NPR3: variants seen among roughly 807,000 people sequenced by gnomAD.
NPR3 encodes atrial natriuretic peptide receptor 3.
Under a neutral mutation model 54.5 loss-of-function variants are expected in NPR3, and 34 were observed. That is an observed-to-expected ratio of 0.62 (90% confidence interval 0.47 to 0.83). The LOEUF is 0.83. Ranked by LOEUF, NPR3 falls within the 40% of genes least tolerant of loss-of-function variation. The pLI, the probability that NPR3 is intolerant of heterozygous loss-of-function variation, is 0.00. For missense variants in NPR3, 674 were observed against 720.8 expected, an observed-to-expected ratio of 0.94 and a Z score of 0.74; for synonymous variants, 289 against 297.1, an observed-to-expected ratio of 0.97 and a Z score of 0.28.
At chr5:32,768,661 C>T (rs372782082) in intron 3 of NPR3, among the ~76,000 whole-genome samples, 4 of 152,148 alleles carry the variant, frequency 2.6e-5, no homozygotes, top group African/African-American at 9.7e-5. Flanking sequence ...CCTAAGACTG[C>T]TTTTGTTTAA....
chr5:32,711,450 C>T lies in NPR3; in HGVS notation c.-327C>T, dbSNP rs1482620017. The T allele has an allele frequency of 9.3e-6, 10 of 1,075,380 alleles. No homozygotes were observed. Among genetic ancestry groups the T allele is most frequent in the Middle Eastern group, 4.0e-4 (1 of 2,488 alleles). 66.6% of individuals were successfully genotyped at this position (1,075,380 alleles called of 1,614,324 possible). ...ACCTTAGCAACGCCCAAATAAGAAGCCACCTCTAAGCAAAATAGTATATGT... is the reference window on the plus strand; with the variant it reads ...ACCTTAGCAACGCCCAAATAAGAAGTCACCTCTAAGCAAAATAGTATATGT... On this transcript the variant is annotated 5_prime_UTR_variant, in exon 1 of 8. Transcript: ENST00000265074.
At chr5:32,761,165 A>G (rs1210059036) in intron 3 of NPR3, among the ~76,000 whole-genome samples, 1 of 152,004 alleles carries the variant, frequency 6.6e-6, no homozygotes, top group Admixed American at 6.6e-5. Context: ...CTTTTTATAT[A>G]TAAATCAACT....
intron 3 of NPR3, among the ~76,000 whole-genome samples, chr5:32,753,596 C>A (rs1018261354): frequency 1.3e-4 from 20 of 149,030 alleles, no homozygotes; most frequent in African/African-American, 4.7e-4. Flanking sequence ...CCTTCCAATG[C>A]CTCTGAGCAC....
chr5:32,696,180 T>C (rs1381400432), intron 1 of NPR3, among the ~76,000 whole-genome samples: 1 of 152,206 alleles, frequency 6.6e-6, no homozygotes, highest in Non-Finnish European at 1.5e-5. Context: ...TTGTATATAA[T>C]GAGAGATAGG....
intron 2 of NPR3, 126 bp from the exon 3 acceptor site, chr5:32,738,738 C>T (rs1457514922): frequency 5.3e-6 from 4 of 760,542 alleles, no homozygotes; most frequent in African/African-American, 1.7e-5. Context: ...AAGTGCAAAA[C>T]TATGACAATA....
chr5:32,765,496 A>T (rs1741405888), intron 3 of NPR3, among the ~76,000 whole-genome samples: 2 of 152,208 alleles, frequency 1.3e-5, no homozygotes, highest in South Asian at 4.1e-4. Context: ...GTGACTGGTG[A>T]CAGCAGCATT....
chr5:32,789,000 T>C lies in NPR3; in HGVS notation c.*2655T>C, dbSNP rs1412164049. 1 of 154,088 alleles carries C rather than the reference T, an allele frequency of 6.5e-6. No homozygotes were observed. Among genetic ancestry groups the C allele is most frequent in the Non-Finnish European group, 1.4e-5 (1 of 69,300 alleles). 9.5% of individuals were successfully genotyped at this position (154,088 alleles called of 1,614,324 possible). On this transcript the variant is annotated 3_prime_UTR_variant, in exon 8 of 8. Coordinates refer to ENST00000265074, the MANE Select transcript of NPR3 (RefSeq NM_001204375.2). ...GTCTCTCATGATTATATTTGGGGAT[T>C]TACGTTCCTAACTGCTAAGCAACAT...
Position 32,736,309 on chromosome 5 carries a change from T to A in NPR3, c.893-2555T>A, listed in dbSNP as rs573965014. ...ACCTTTTAGATTGTGGTAGACAGAT[T>A]TATTGTATTGGATTTTACTTCTTTG... On this transcript the variant is annotated intron_variant, in intron 2 of 7. Transcript: ENST00000265074. Among the ~76,000 whole-genome samples, 11 of 151,904 alleles carry A rather than the reference T, an allele frequency of 7.2e-5. No homozygotes were observed. The South Asian group carries it at 2.3e-3, about 32-fold the overall frequency.
Position 32,788,465 on chromosome 5 carries a change from AATG to A in NPR3, c.*2124_*2126del, listed in dbSNP as rs1742746771. The stretch of plus-strand genomic sequence containing the variant: ...TGTTTCTCTCTCATTTTTATTTTTC[AATG>A]ATGTTTTCTTTATATTTTAGAGATA... On this transcript the variant is annotated 3_prime_UTR_variant, in exon 8 of 8. Transcript: ENST00000265074. 1 of 152,178 alleles carries A rather than the reference AATG, an allele frequency of 6.6e-6. No individual in the cohort carries two copies. The highest frequency in any genetic ancestry group is 1.5e-5 in the Non-Finnish European group (1 of 68,024). 9.4% of individuals were successfully genotyped at this position (152,178 alleles called of 1,614,324 possible). A position where few individuals can be genotyped will look rare whatever the true frequency, so the allele number is the denominator to read the frequency against.
At chr5:32,740,525 T>C (rs894287269) in intron 3 of NPR3, among the ~76,000 whole-genome samples, 2 of 152,124 alleles carry the variant, frequency 1.3e-5, no homozygotes, top group Non-Finnish European at 1.5e-5. Context: ...AAATCAGTGC[T>C]GTCTGGTAGT....
Position 32,790,217 on chromosome 5 carries a change from A to T in NPR3, c.*3872A>T, listed in dbSNP as rs888974428. ...AGCTTCTTTTTCAGTTGTCTTTAGAACTCAAGAATAATCAATAATTTAGTG... is the reference window on the plus strand; with the variant it reads ...AGCTTCTTTTTCAGTTGTCTTTAGATCTCAAGAATAATCAATAATTTAGTG... On this transcript the variant is annotated 3_prime_UTR_variant, in exon 8 of 8. Transcript: ENST00000265074. 2 of 170,970 alleles carry T rather than the reference A, an allele frequency of 1.2e-5. No homozygotes were observed. Among genetic ancestry groups the T allele is most frequent in the African/African-American group, 4.9e-5 (2 of 41,126 alleles). 10.6% of individuals were successfully genotyped at this position (170,970 alleles called of 1,614,324 possible).
chr5:32,751,322 C>T (rs1740562750), intron 3 of NPR3, among the ~76,000 whole-genome samples: 1 of 152,164 alleles, frequency 6.6e-6, no homozygotes, highest in Admixed American at 6.5e-5. Flanking sequence ...GAAAGGGCCG[C>T]AGTTACCTTC....
intron 3 of NPR3, among the ~76,000 whole-genome samples, chr5:32,762,016 C>A (rs1177053615): frequency 6.6e-6 from 1 of 152,148 alleles, no homozygotes. Flanking sequence ...TTCTTCAACT[C>A]CCACTTATGA....
intron 4 of NPR3, among the ~76,000 whole-genome samples, chr5:32,778,824 T>A (rs900663290): frequency 5.9e-5 from 9 of 152,186 alleles, no homozygotes; most frequent in Admixed American, 2.0e-4. Context: ...TAGGGCCACC[T>A]CATCTTATAA....
intron 2 of NPR3, among the ~76,000 whole-genome samples, chr5:32,735,865 G>T (rs541421435): frequency 6.6e-6 from 1 of 152,292 alleles, no homozygotes; most frequent in Non-Finnish European, 1.5e-5. Flanking sequence ...ATCAGTTATG[G>T]TTGGGAATAG....
chr5:32,702,585 A>G (rs1203565072), intron 1 of NPR3, among the ~76,000 whole-genome samples: 2 of 152,280 alleles, frequency 1.3e-5, no homozygotes, highest in African/African-American at 4.8e-5. Flanking sequence ...TACAAAGGAC[A>G]TGAACTCATC....
intron 4 of NPR3, among the ~76,000 whole-genome samples, chr5:32,779,999 A>T (rs564707080): frequency 6.6e-6 from 1 of 152,162 alleles, no homozygotes; most frequent in East Asian, 1.9e-4. Flanking sequence ...AGCTATGTAA[A>T]TGTAAAAACT....
intron 3 of NPR3, among the ~76,000 whole-genome samples, chr5:32,743,747 G>A (rs778738005): frequency 6.6e-6 from 1 of 152,120 alleles, no homozygotes; most frequent in Non-Finnish European, 1.5e-5. Context: ...CCTGAGTCCA[G>A]TGTTCACTCC....
intron 2 of NPR3, among the ~76,000 whole-genome samples, chr5:32,726,060 G>T (rs968020245): frequency 1.3e-5 from 2 of 152,160 alleles, no homozygotes; most frequent in Admixed American, 6.5e-5. Flanking sequence ...AGACAGCATC[G>T]GGCTACAGAA....
Sources: allele counts gnomAD v4.1 joint callset (sites outside exome capture counted in the v4.1 genomes callset), GRCh38; gene constraint gnomAD v4.1.1; transcripts MANE v1.5; gene names NCBI Gene and HGNC (gene_info 2026-07-23, HGNC 2026-07-21).